The following CALCR variants were observed in gnomAD, a reference collection of about 807,000 sequenced individuals.
The protein encoded by CALCR is calcitonin receptor.
CALCR carries 47 observed loss-of-function variants against 59.5 expected under a neutral mutation model. The ratio of observed to expected loss-of-function variants is 0.79; its 90% CI spans 0.63 to 1.01. CALCR has a LOEUF of 1.01. CALCR is among the 50% of genes least tolerant of loss of function. The pLI, the probability that CALCR is intolerant of heterozygous loss-of-function variation, is 0.00. For synonymous variants in CALCR, 213 were observed against 211.3 expected (o/e 1.01, Z -0.07); for missense variants, 566 against 597.1 (o/e 0.95, Z 0.54).
At chr7:93,510,815 T>C (rs1293522097) in intron 2 of CALCR, among the ~76,000 whole-genome samples, 2 of 152,094 alleles carry the variant, frequency 1.3e-5, no homozygotes, top group Non-Finnish European at 2.9e-5. Context: ...TGAGCTATGA[T>C]AGCACCACTG....
chr7:93,518,828 T>C (rs1801698902), intron 2 of CALCR, among the ~76,000 whole-genome samples: 1 of 151,976 alleles, frequency 6.6e-6, no homozygotes, highest in South Asian at 2.1e-4. Flanking sequence ...TTAATATTTA[T>C]AGTTTTATGC....
At chr7:93,477,502 C>A in intron 5 of CALCR, 56 bp downstream of exon 5, 1 of 1,229,024 alleles carries the variant, frequency 8.1e-7, no homozygotes, top group South Asian at 1.3e-5. Flanking sequence ...TTCTCAAAAC[C>A]ATGAAAACTC....
intron 8 of CALCR, among the ~76,000 whole-genome samples, chr7:93,458,376 T>C (rs947848093): frequency 4.6e-5 from 7 of 152,144 alleles, no homozygotes; most frequent in African/African-American, 1.4e-4. Flanking sequence ...TATCTACAGA[T>C]GTTTGCATAA....
chr7:93,486,927 T>C lies in CALCR; in HGVS notation c.51+4A>G. 1.3e-6 allele frequency: 2 copies of C among 1,559,152 alleles called. No homozygotes were observed. Among genetic ancestry groups the C allele is most frequent in the Non-Finnish European group, 1.8e-6 (2 of 1,135,120 alleles). On this transcript the variant is annotated splice_donor_region_variant and intron_variant, in intron 3 of 13. Transcript: ENST00000426151. ...ATGGCTTTGAATACTTTTGTTTTAC[T>C]TACATTTAGAAGAAGAAACAGTGCC...
rs1584573100 is a variant in CALCR, at chr7:93,483,509, A to G, written c.51+3422T>C. ...TAAATATATGTATATGTATGATTTTATGTATATTATATATATATAATTACA... is the reference window on the plus strand; with the variant it reads ...TAAATATATGTATATGTATGATTTTGTGTATATTATATATATATAATTACA... On this transcript the variant is annotated intron_variant, in intron 3 of 13. Transcript: ENST00000426151. Among the ~76,000 whole-genome samples, 3 of 110,732 alleles carry G rather than the reference A, an allele frequency of 2.7e-5. 1 individual carries two copies. The highest frequency in any genetic ancestry group is 1.1e-4 in the African/African-American group (3 of 26,406). 72.6% of individuals were successfully genotyped at this position (110,732 alleles called of 152,430 possible).
rs751608659 is a variant in CALCR, at chr7:93,426,384, T to G, written c.1397A>C (p.Asn466Thr). The part of the protein sequence containing the change: ...GEESAEIIPL[N>T]IIEQESSA Reference sequence around the variant, plus strand: ...AGCAGATGACTCTTGCTCTATGATATTCAAAGGGATGATCTCAGCACTCTC... The same window carrying G: ...AGCAGATGACTCTTGCTCTATGATAGTCAAAGGGATGATCTCAGCACTCTC... The change falls in exon 14 of 14, where the codon AAT becomes ACT. Residue 466 changes from asparagine to threonine, a missense_variant. Asn to Thr is a moderately conservative substitution (Grantham distance 65, BLOSUM62 0). Transcript: ENST00000426151. 22 of 1,610,176 alleles carry G rather than the reference T, an allele frequency of 1.4e-5. No individual in the cohort carries two copies. The highest frequency in any genetic ancestry group is 1.6e-5 in the Non-Finnish European group (19 of 1,176,586).
chr7:93,430,681 T>C (rs1169627543), intron 13 of CALCR, among the ~76,000 whole-genome samples: 6 of 152,314 alleles, frequency 3.9e-5, no homozygotes, highest in Middle Eastern at 3.4e-3. Context: ...GAATAGTGGT[T>C]CTTAAAGTGA....
chr7:93,531,582 A>G (rs1238222799), intron 2 of CALCR, among the ~76,000 whole-genome samples: 2 of 151,958 alleles, frequency 1.3e-5, no homozygotes, highest in Non-Finnish European at 2.9e-5. Context: ...ATTTTTATAT[A>G]CTCCTCAAAG....
At chr7:93,487,154 C>T in intron 2 of CALCR, 147 bp from the exon 3 acceptor site, 1 of 562,418 alleles carries the variant, frequency 1.8e-6, no homozygotes, top group South Asian at 2.4e-5. Flanking sequence ...AAACAGTATG[C>T]TTGTGATGCA....
Position 93,438,274 on chromosome 7 carries a change from C to G in CALCR, c.803-4G>C. The G allele has an allele frequency of 6.2e-7, 1 of 1,610,202 alleles. No homozygotes were observed. The highest frequency in any genetic ancestry group is 8.5e-7 in the Non-Finnish European group (1 of 1,176,492). ...GTGGTTGGCACCAGCGGGAACCCTA[C>G]AAATGTGAAAAGTACAAATCACACT... On this transcript the variant is annotated splice_region_variant and splice_polypyrimidine_tract_variant and intron_variant, in intron 9 of 13. Transcript: ENST00000426151.
intron 9 of CALCR, among the ~76,000 whole-genome samples, chr7:93,442,564 T>C (rs1444652392): frequency 6.6e-6 from 1 of 152,192 alleles, no homozygotes; most frequent in Non-Finnish European, 1.5e-5. Context: ...GGCAGGGCTT[T>C]AAATACAAAA....
intron 2 of CALCR, among the ~76,000 whole-genome samples, chr7:93,539,069 G>A (rs939141973): frequency 3.3e-5 from 5 of 151,814 alleles, no homozygotes; most frequent in African/African-American, 9.7e-5. Flanking sequence ...TGCTTTATTC[G>A]GTATATGACA....
intron 2 of CALCR, among the ~76,000 whole-genome samples, chr7:93,549,321 A>G (rs1789387713): frequency 6.6e-6 from 1 of 152,134 alleles, no homozygotes; most frequent in Non-Finnish European, 1.5e-5. Context: ...TTTTCAAATG[A>G]CTATCTTAGT....
chr7:93,484,003 G>A (rs944129546), intron 3 of CALCR: 6 of 518,764 alleles, frequency 1.2e-5, no homozygotes, highest in Admixed American at 2.0e-5. Context: ...TCACACATAC[G>A]ACCACCAAGC....
intron 7 of CALCR, among the ~76,000 whole-genome samples, chr7:93,465,362 T>C (rs1800418072): frequency 6.6e-6 from 1 of 152,000 alleles, no homozygotes; most frequent in Non-Finnish European, 1.5e-5. Flanking sequence ...TCATTTTAGC[T>C]CTCTTGTTGA....
At chr7:93,535,083 C>T (rs1295652661) in intron 2 of CALCR, among the ~76,000 whole-genome samples, 1 of 151,658 alleles carries the variant, frequency 6.6e-6, no homozygotes, top group East Asian at 1.9e-4. Flanking sequence ...TTCCTCTCAA[C>T]ATTATTTACA....
At chr7:93,506,201 C>G (rs73711689) in intron 2 of CALCR, among the ~76,000 whole-genome samples, 203 of 152,246 alleles carry the variant, frequency 1.3e-3, no homozygotes, top group African/African-American at 4.7e-3. Context: ...GTTATTTACC[C>G]CAGAAAATGA....
chr7:93,549,707 C>A (rs569211576), intron 2 of CALCR, among the ~76,000 whole-genome samples: 2 of 152,128 alleles, frequency 1.3e-5, no homozygotes, highest in Non-Finnish European at 2.9e-5. Context: ...TAGGGCTTGA[C>A]GAAGACCTTA....
Position 93,525,506 on chromosome 7 carries a change from C to T in CALCR, c.-26-38499G>A, listed in dbSNP as rs118104213. Among the ~76,000 whole-genome samples the T allele has an allele frequency of 1.8e-3, 270 of 152,226 alleles. 1 individual carries two copies. The highest frequency in any genetic ancestry group is 2.7e-3 in the Non-Finnish European group (181 of 68,002). On this transcript the variant is annotated intron_variant, in intron 2 of 13. Transcript: ENST00000426151. ...GAGCAAAATATGAAGCAGAGCAGGT[C>T]ATGGTGTGTATGTTGAACACAGCAA...
Sources: gnomAD v4.1 joint callset for allele counts (sites outside exome capture counted in the v4.1 genomes callset) on GRCh38, gnomAD v4.1.1 for gene constraint, MANE v1.5 for transcripts, NCBI Gene and HGNC (gene_info 2026-07-23, HGNC 2026-07-21) for gene names.